The following BMPR1B variants were observed in gnomAD, a reference collection of about 807,000 sequenced individuals.
BMPR1B encodes bone morphogenetic protein receptor type-1B.
In BMPR1B, 12 loss-of-function variants were observed where a neutral mutation model predicts 59.1. The observed-to-expected ratio is 0.20, with a 90% CI of 0.13 to 0.33. The LOEUF (loss-of-function observed/expected upper bound fraction) is 0.33, where lower values mean the gene tolerates loss of function less well. Ranked by LOEUF, BMPR1B falls within the 10% of genes least tolerant of loss-of-function variation. BMPR1B has a pLI of 1.00. For synonymous variants in BMPR1B, 237 were observed against 207.3 expected, an observed-to-expected ratio of 1.14 and a Z score of -1.23; for missense variants, 550 against 610.9, an observed-to-expected ratio of 0.90 and a Z score of 1.05.
rs6813320 is a variant in BMPR1B at position 95,154,722 on chromosome 4, C to T, written c.*49C>T. On this transcript the variant is annotated 3_prime_UTR_variant, in exon 13 of 13. Transcript: ENST00000515059. ...CTGCAGAAAGCCAACAGGTACTCTT[C>T]TGTTTGTGGGCAGAGCAAAAGACAT... is the stretch of plus-strand genomic sequence containing the variant. 6,327 of 1,609,358 alleles carry T rather than the reference C, an allele frequency of 3.9e-3. 216 individuals carry two copies. In the African/African-American group the frequency reaches 0.076, roughly 19 times the overall value.
At chr4:94,940,219 C>T (rs7683985) in intron 2 of BMPR1B, among the ~76,000 whole-genome samples, 4,265 of 152,284 alleles carry the variant, frequency 0.028, 189 homozygotes, top group African/African-American at 0.098. Context: ...TTGTCCAACC[C>T]GTGGCCCACA....
rs75402222 is a variant in BMPR1B at position 94,887,061 on chromosome 4, C to T, written c.-113+11161C>T. Among the ~76,000 whole-genome samples the T allele has an allele frequency of 4.5e-4, 68 of 151,768 alleles. No homozygotes were observed. In the East Asian group the frequency reaches 0.012, roughly 27 times the overall value. On this transcript the variant is annotated intron_variant, in intron 2 of 12. Transcript: ENST00000515059. ...ATAAAAGGTAAAAAGGAACGAAGAG[C>T]GATTCTTTGGCAATGAATGGGAAAG... is the stretch of plus-strand genomic sequence containing the variant.
chr4:94,953,460 T>G (rs1730025542), intron 2 of BMPR1B, among the ~76,000 whole-genome samples: 1 of 152,244 alleles, frequency 6.6e-6, no homozygotes, highest in African/African-American at 2.4e-5. Context: ...GGCCTGGTAG[T>G]GACAAAATCC....
chr4:95,074,012 A>T (rs1017041387), intron 3 of BMPR1B, among the ~76,000 whole-genome samples: 1 of 152,118 alleles, frequency 6.6e-6, no homozygotes, highest in South Asian at 2.1e-4. Flanking sequence ...TTTAAAAGTG[A>T]TTCTAGGTAG....
At chr4:94,967,729 TGCCTCA>T (rs1406183810) in intron 2 of BMPR1B, among the ~76,000 whole-genome samples, 1 of 152,136 alleles carries the variant, frequency 6.6e-6, no homozygotes, top group Non-Finnish European at 1.5e-5. Context: ...AGTGAGCGCC[TGCCTCA>T]GCCTCCCAAA....
chr4:94,806,939 T>C (rs1723627123), intron 1 of BMPR1B, among the ~76,000 whole-genome samples: 1 of 152,142 alleles, frequency 6.6e-6, no homozygotes, highest in Non-Finnish European at 1.5e-5. Flanking sequence ...ATTAAAGATA[T>C]TTTATTAAAT....
At chr4:95,077,283 G>A (rs1728782056) in intron 3 of BMPR1B, among the ~76,000 whole-genome samples, 1 of 152,108 alleles carries the variant, frequency 6.6e-6, no homozygotes, top group South Asian at 2.1e-4. Context: ...AAACAGTAAT[G>A]TGCAGTAGTG....
intron 3 of BMPR1B, among the ~76,000 whole-genome samples, chr4:95,068,436 A>G (rs979875061): frequency 3.3e-5 from 5 of 152,130 alleles, no homozygotes; most frequent in African/African-American, 1.2e-4. Flanking sequence ...TACAGCCACC[A>G]GTTCCATGGA....
chr4:94,764,076 G>T (rs186825220), intron 1 of BMPR1B, among the ~76,000 whole-genome samples: 218 of 152,176 alleles, frequency 1.4e-3, no homozygotes, highest in Admixed American at 4.5e-3. Context: ...AGTTTCTTCT[G>T]TATCTGAATA....
intron 10 of BMPR1B, among the ~76,000 whole-genome samples, chr4:95,145,256 T>C (rs1426872973): frequency 1.3e-5 from 2 of 152,236 alleles, no homozygotes; most frequent in Non-Finnish European, 2.9e-5. Flanking sequence ...TAATCTGACT[T>C]CATATGTATG....
At chr4:95,039,193 G>A (rs1233975836) in intron 3 of BMPR1B, among the ~76,000 whole-genome samples, 1 of 152,034 alleles carries the variant, frequency 6.6e-6, no homozygotes, top group Non-Finnish European at 1.5e-5. Flanking sequence ...ATCTGATATC[G>A]TGATCACTAA....
intron 2 of BMPR1B, among the ~76,000 whole-genome samples, chr4:94,925,880 A>G (rs1458416358): frequency 2.0e-5 from 3 of 152,108 alleles, no homozygotes; most frequent in East Asian, 3.9e-4. Context: ...TCAGGGCTTT[A>G]TAAGAATTCA....
chr4:95,055,333 A>ACCTCCTC (rs1726838238), intron 3 of BMPR1B, among the ~76,000 whole-genome samples: 1 of 152,162 alleles, frequency 6.6e-6, no homozygotes, highest in Non-Finnish European at 1.5e-5. Flanking sequence ...TAAGAGGAGG[A>ACCTCCTC]TAACAAACAT....
intron 2 of BMPR1B, among the ~76,000 whole-genome samples, chr4:94,918,659 G>A (rs957338154): frequency 1.3e-5 from 2 of 151,112 alleles, no homozygotes; most frequent in Non-Finnish European, 2.9e-5. Context: ...TTTCCAGCCT[G>A]GGCAACAGAG....
chr4:95,099,287 T>C (rs1393215641), intron 3 of BMPR1B, among the ~76,000 whole-genome samples: 2 of 152,306 alleles, frequency 1.3e-5, no homozygotes, highest in South Asian at 2.1e-4. Context: ...TGTGCTTTAT[T>C]CCACATCAGG....
intron 11 of BMPR1B, among the ~76,000 whole-genome samples, chr4:95,150,172 A>C (rs537257434): frequency 2.6e-5 from 4 of 152,216 alleles, no homozygotes; most frequent in Non-Finnish European, 4.4e-5. Context: ...AATAGAACAC[A>C]TACTCTCTGA....
intron 1 of BMPR1B, among the ~76,000 whole-genome samples, chr4:94,758,848 C>G (rs1038304389): frequency 1.3e-5 from 2 of 152,150 alleles, no homozygotes; most frequent in Admixed American, 6.5e-5. Context: ...TCCCCACCGC[C>G]TGCTCTGGCT....
intron 1 of BMPR1B, among the ~76,000 whole-genome samples, chr4:94,846,421 G>T (rs1725332437): frequency 6.6e-6 from 1 of 152,154 alleles, no homozygotes; most frequent in Non-Finnish European, 1.5e-5. Context: ...AATGGGCTGG[G>T]AAAGGCAGAC....
At chr4:94,969,339 C>T (rs988271979) in intron 2 of BMPR1B, among the ~76,000 whole-genome samples, 2 of 152,036 alleles carry the variant, frequency 1.3e-5, no homozygotes, top group Non-Finnish European at 2.9e-5. Flanking sequence ...CCGTCCATAT[C>T]CTGAGTTTTC....
Sources: allele counts gnomAD v4.1 joint callset (sites outside exome capture counted in the v4.1 genomes callset), GRCh38; gene constraint gnomAD v4.1.1; transcripts MANE v1.5; gene names NCBI Gene and HGNC (gene_info 2026-07-23, HGNC 2026-07-21).